HIPK2: variants seen among roughly 807,000 people sequenced by gnomAD.
HIPK2 encodes homeodomain interacting protein kinase 2, also known as homeodomain-interacting protein kinase 2.
HIPK2 carries 27 observed loss-of-function variants against 113.7 expected under a neutral mutation model. The observed-to-expected ratio is 0.24, with a 90% CI of 0.17 to 0.33. The LOEUF is 0.33. Among genes scored for constraint, HIPK2 ranks in the 10% least tolerant of loss-of-function variants. The probability of loss-of-function intolerance (pLI) is 1.00; values close to 1 mark genes in which losing one functional copy is unlikely to be tolerated. For synonymous variants in HIPK2, 631 were observed against 642.2 expected (o/e 0.98, Z 0.26); for missense variants, 1,257 against 1,588.0 (o/e 0.79, Z 3.54).
chr7:139,635,342 G>T (rs978465247), intron 2 of HIPK2, among the ~76,000 whole-genome samples: 3 of 152,208 alleles, frequency 2.0e-5, no homozygotes, highest in Non-Finnish European at 2.9e-5. Flanking sequence ...CTATGGGCCT[G>T]CCCTTCCTAT....
intron 2 of HIPK2, among the ~76,000 whole-genome samples, chr7:139,638,656 C>CT (rs1184555180): frequency 0.024 from 3,105 of 130,236 alleles, 83 homozygotes; most frequent in Non-Finnish European, 0.025. Context: ...AAATAATTGT[C>CT]TTTTTTTTTT....
intron 14 of HIPK2, among the ~76,000 whole-genome samples, 199 bp from the exon 15 acceptor site, chr7:139,573,596 C>T (rs1798386431): frequency 6.6e-6 from 1 of 152,116 alleles, no homozygotes; most frequent in Non-Finnish European, 1.5e-5. Flanking sequence ...AATCTCAGCA[C>T]TTTGGGAGGC....
intron 1 of HIPK2, among the ~76,000 whole-genome samples, chr7:139,773,080 C>T (rs758038057): frequency 3.9e-5 from 6 of 152,152 alleles, no homozygotes; most frequent in Non-Finnish European, 8.8e-5. Context: ...AACCCAGAAC[C>T]TGCCACAGGG....
At chr7:139,623,472 C>A (rs1030634449) in intron 6 of HIPK2, among the ~76,000 whole-genome samples, 9 of 142,564 alleles carry the variant, frequency 6.3e-5, no homozygotes, top group Non-Finnish European at 1.5e-5. Context: ...GAGCAAAGAT[C>A]GTACTGCTGC....
intron 1 of HIPK2, among the ~76,000 whole-genome samples, chr7:139,738,414 T>G (rs1796001380): frequency 6.6e-6 from 1 of 152,254 alleles, no homozygotes; most frequent in African/African-American, 2.4e-5. Flanking sequence ...ATGCAGCCCT[T>G]GAAAATGTGG....
intron 2 of HIPK2, among the ~76,000 whole-genome samples, chr7:139,661,326 C>T (rs567266727): frequency 2.1e-4 from 32 of 152,322 alleles, no homozygotes; most frequent in African/African-American, 6.0e-4. Context: ...GTTTTGCTCT[C>T]CACTGGTGAG....
intron 2 of HIPK2, among the ~76,000 whole-genome samples, chr7:139,660,552 G>A (rs1263315927): frequency 1.3e-5 from 2 of 152,232 alleles, no homozygotes; most frequent in African/African-American, 2.4e-5. Context: ...AGGCCCCATC[G>A]GTTGGGCTGT....
intron 2 of HIPK2, among the ~76,000 whole-genome samples, chr7:139,650,182 T>G (rs1160714671): frequency 3.3e-5 from 5 of 151,860 alleles, no homozygotes; most frequent in Non-Finnish European, 7.4e-5. Flanking sequence ...AAACTCCATC[T>G]CTACTAAAAA....
chr7:139,748,207 T>C (rs1796220509), intron 1 of HIPK2, among the ~76,000 whole-genome samples: 1 of 152,196 alleles, frequency 6.6e-6, no homozygotes, highest in Non-Finnish European at 1.5e-5. Context: ...GCTTCTCTGC[T>C]TTCTATGACA....
intron 2 of HIPK2, among the ~76,000 whole-genome samples, chr7:139,656,399 G>T (rs1052123287): frequency 1.3e-5 from 2 of 152,108 alleles, no homozygotes; most frequent in African/African-American, 2.4e-5. Context: ...TGCTTATCAC[G>T]TTTACCTTTA....
At chr7:139,659,049 C>T (rs1465830976) in intron 2 of HIPK2, among the ~76,000 whole-genome samples, 2 of 151,328 alleles carry the variant, frequency 1.3e-5, no homozygotes, top group Admixed American at 6.6e-5. Context: ...ACATATTTCT[C>T]GCTGAGGCCG....
At chr7:139,598,755 A>G (rs1451945701) in intron 11 of HIPK2, among the ~76,000 whole-genome samples, 1 of 152,242 alleles carries the variant, frequency 6.6e-6, no homozygotes. Context: ...CTACTCAGCC[A>G]AGGTGAACCA....
At chr7:139,758,790 T>C (rs1207477672) in intron 1 of HIPK2, among the ~76,000 whole-genome samples, 1 of 151,798 alleles carries the variant, frequency 6.6e-6, no homozygotes, top group Non-Finnish European at 1.5e-5. Flanking sequence ...AACCAGTCCC[T>C]GGGGCCAAAA....
chr7:139,693,983 T>C (rs1794491686), intron 2 of HIPK2, among the ~76,000 whole-genome samples: 1 of 152,168 alleles, frequency 6.6e-6, no homozygotes, highest in South Asian at 2.1e-4. Flanking sequence ...GCATAAAGAG[T>C]GCAGTCTTTC....
At chr7:139,590,207 G>T (rs147132490) in intron 12 of HIPK2, among the ~76,000 whole-genome samples, 55 of 152,312 alleles carry the variant, frequency 3.6e-4, no homozygotes, top group African/African-American at 1.3e-3. Flanking sequence ...GAGAGATAGC[G>T]ATAGGGGCAG....
chr7:139,575,399 C>T lies in HIPK2; in HGVS notation c.2966-111G>A, dbSNP rs972229887. 26 of 1,278,252 alleles carry T rather than the reference C, an allele frequency of 2.0e-5. No homozygotes were observed. In the Admixed American group the frequency reaches 4.5e-4, roughly 22 times the overall value. 79.2% of individuals were successfully genotyped at this position (1,278,252 alleles called of 1,614,324 possible). A position where few individuals can be genotyped will look rare whatever the true frequency, so the allele number is the denominator to read the frequency against. On this transcript the variant is annotated intron_variant, in intron 13 of 14. Transcript: ENST00000406875. Reference sequence around the variant, plus strand: ...CCAGGAAGAAACATGTGCCTGAGGCCGGGCAGTAACAAATCAGCCTCATCT... The same window carrying T: ...CCAGGAAGAAACATGTGCCTGAGGCTGGGCAGTAACAAATCAGCCTCATCT...
intron 1 of HIPK2, among the ~76,000 whole-genome samples, chr7:139,753,986 C>T (rs991186814): frequency 1.2e-4 from 19 of 152,366 alleles, no homozygotes; most frequent in Non-Finnish European, 2.4e-4. Context: ...AGGGCAGCAG[C>T]CCTGCCTGTG....
At chr7:139,651,896 C>T (rs992036737) in intron 2 of HIPK2, among the ~76,000 whole-genome samples, 2 of 152,114 alleles carry the variant, frequency 1.3e-5, no homozygotes, top group African/African-American at 4.8e-5. Context: ...ATAAGACCTC[C>T]GTGGAGAGGA....
At chr7:139,689,661 G>T (rs1233964737) in intron 2 of HIPK2, among the ~76,000 whole-genome samples, 1 of 152,108 alleles carries the variant, frequency 6.6e-6, no homozygotes, top group Non-Finnish European at 1.5e-5. Flanking sequence ...TTACAAACCT[G>T]CCCATCTCTG....
Sources: gnomAD v4.1 joint callset for allele counts (sites outside exome capture counted in the v4.1 genomes callset) on GRCh38, gnomAD v4.1.1 for gene constraint, MANE v1.5 for transcripts, NCBI Gene and HGNC (gene_info 2026-07-23, HGNC 2026-07-21) for gene names.